The following CSNK2A2IP variants were observed in gnomAD, a reference collection of about 807,000 sequenced individuals.
CSNK2A2IP encodes casein kinase II subunit alpha'-interacting protein.
At chr3:88,356,553 T>G in the CSNK2A2IP span, among the ~76,000 whole-genome samples, 1 of 152,168 alleles carries the variant, frequency 6.6e-6, no homozygotes, top group Non-Finnish European at 1.5e-5. Context: ...AAAGCTGTAA[T>G]AAAAATGCAA....
At chr3:88,411,970 T>A in the CSNK2A2IP span, among the ~76,000 whole-genome samples, 1 of 151,796 alleles carries the variant, frequency 6.6e-6, no homozygotes, top group South Asian at 2.1e-4. Context: ...TGAACTTACT[T>A]ATGTGGCTTG....
the CSNK2A2IP span, among the ~76,000 whole-genome samples, chr3:88,456,917 A>G: frequency 2.0e-5 from 3 of 152,082 alleles, no homozygotes; most frequent in African/African-American, 7.2e-5. Context: ...TTCCTTTACA[A>G]AGAAAGTTTT....
At chr3:88,388,826 T>C in the CSNK2A2IP span, among the ~76,000 whole-genome samples, 2 of 152,076 alleles carry the variant, frequency 1.3e-5, no homozygotes, top group African/African-American at 2.4e-5. Flanking sequence ...AGGTCTTCCA[T>C]GGAAGTTATA....
the CSNK2A2IP span, among the ~76,000 whole-genome samples, chr3:88,458,309 C>A: frequency 9.9e-5 from 15 of 151,892 alleles, no homozygotes; most frequent in Non-Finnish European, 1.8e-4. Context: ...CGCCACCACG[C>A]CTGGCTAATT....
the CSNK2A2IP span, among the ~76,000 whole-genome samples, chr3:88,379,924 A>G: frequency 1.3e-5 from 2 of 152,230 alleles, no homozygotes; most frequent in South Asian, 4.1e-4. Flanking sequence ...CGCAGAAGTG[A>G]TTCTCGTCAT....
chr3:88,427,759 A>G, the CSNK2A2IP span, among the ~76,000 whole-genome samples: 124,110 of 152,036 alleles, frequency 0.82, 51,227 homozygotes, highest in Non-Finnish European at 0.88. Context: ...CTAGATTTCA[A>G]AGGACGTCCG....
At chr3:88,383,635 C>A in the CSNK2A2IP span, among the ~76,000 whole-genome samples, 1 of 149,922 alleles carries the variant, frequency 6.7e-6, no homozygotes, top group African/African-American at 2.4e-5. Context: ...CCTATGGACA[C>A]CTGTTTCTTT....
chr3:88,416,411 A>T, the CSNK2A2IP span, among the ~76,000 whole-genome samples: 5 of 152,296 alleles, frequency 3.3e-5, no homozygotes, highest in Middle Eastern at 3.4e-3. Context: ...CAGAGTCAAG[A>T]TGTTCCCTAC....
the CSNK2A2IP span, among the ~76,000 whole-genome samples, chr3:88,428,280 A>G: frequency 2.0e-5 from 3 of 152,162 alleles, no homozygotes; most frequent in Admixed American, 1.3e-4. Flanking sequence ...GAAGCAATTA[A>G]CTTGCTTTTG....
chr3:88,426,755 T>C, the CSNK2A2IP span, among the ~76,000 whole-genome samples: 1 of 152,150 alleles, frequency 6.6e-6, no homozygotes, highest in Non-Finnish European at 1.5e-5. Context: ...GATTGTAAGT[T>C]TCCTGAGGCC....
At chr3:88,392,375 G>C in the CSNK2A2IP span, among the ~76,000 whole-genome samples, 2 of 151,996 alleles carry the variant, frequency 1.3e-5, no homozygotes, top group African/African-American at 4.8e-5. Flanking sequence ...CCCAATGAAA[G>C]GAATTAGATA....
chr3:88,465,845 G>A, the CSNK2A2IP span: 8 of 1,231,588 alleles, frequency 6.5e-6, no homozygotes, highest in Non-Finnish European at 7.1e-6. Context: ...ACATCTTCAA[G>A]CCTAGATGTT....
the CSNK2A2IP span, among the ~76,000 whole-genome samples, chr3:88,358,323 T>C: frequency 6.6e-6 from 1 of 152,210 alleles, no homozygotes; most frequent in Non-Finnish European, 1.5e-5. Flanking sequence ...GTGCCCTTTA[T>C]TTCTTTCTCT....
At chr3:88,404,939 T>C in the CSNK2A2IP span, among the ~76,000 whole-genome samples, 1 of 152,150 alleles carries the variant, frequency 6.6e-6, no homozygotes, top group Non-Finnish European at 1.5e-5. Context: ...CTGTTCCTGA[T>C]ATTTGGATCA....
At chr3:88,447,702 G>A in the CSNK2A2IP span, among the ~76,000 whole-genome samples, 1 of 152,000 alleles carries the variant, frequency 6.6e-6, no homozygotes. Context: ...TACATAGGCA[G>A]TAACTGAGTC....
the CSNK2A2IP span, among the ~76,000 whole-genome samples, chr3:88,355,280 A>C: frequency 6.6e-6 from 1 of 152,160 alleles, no homozygotes; most frequent in South Asian, 2.1e-4. Context: ...ATAGAGGATA[A>C]TTGGGTACAC....
chr3:88,407,616 C>CT, the CSNK2A2IP span, among the ~76,000 whole-genome samples: 5 of 152,082 alleles, frequency 3.3e-5, no homozygotes, highest in African/African-American at 1.2e-4. Flanking sequence ...ACACATTTTA[C>CT]TTTTTTAAAT....
At chr3:88,396,558 A>G in the CSNK2A2IP span, among the ~76,000 whole-genome samples, 1 of 152,152 alleles carries the variant, frequency 6.6e-6, no homozygotes, top group East Asian at 1.9e-4. Context: ...TATCCACAAC[A>G]AGGAACATGA....
chr3:88,436,270 T>C, the CSNK2A2IP span, among the ~76,000 whole-genome samples: 3 of 152,144 alleles, frequency 2.0e-5, no homozygotes, highest in Non-Finnish European at 2.9e-5. Context: ...TAATCAATTT[T>C]TTTGCACTGT....
Sources: gnomAD v4.1 joint callset for allele counts (sites outside exome capture counted in the v4.1 genomes callset) on GRCh38, gnomAD v4.1.1 for gene constraint, MANE v1.5 for transcripts, NCBI Gene and HGNC (gene_info 2026-07-23, HGNC 2026-07-21) for gene names.